KIF24: variants seen among roughly 807,000 people sequenced by gnomAD.
KIF24 encodes the protein kinesin family member 24.
Under a neutral mutation model 118.9 loss-of-function variants are expected in KIF24, and 81 were observed. The ratio of observed to expected loss-of-function variants is 0.68; its 90% CI spans 0.57 to 0.82. KIF24 has a LOEUF of 0.82. Ranked by LOEUF, KIF24 falls within the 40% of genes least tolerant of loss-of-function variation. KIF24 has a pLI of 0.00. For missense variants in KIF24, 1,560 were observed against 1,661.6 expected, an observed-to-expected ratio of 0.94 and a Z score of 1.06; for synonymous variants, 599 against 610.0, an observed-to-expected ratio of 0.98 and a Z score of 0.27.
At chr9:34,296,060 A>G (rs1295393958) in intron 4 of KIF24, among the ~76,000 whole-genome samples, 8 of 148,688 alleles carry the variant, frequency 5.4e-5, no homozygotes, top group Non-Finnish European at 1.0e-4. Context: ...TCTACTAAAA[A>G]TACAAAAAAT....
rs1554666514 is a variant in KIF24 at position 34,311,661 on chromosome 9, C to CAT, written c.-25-292_-25-291dup. Among the ~76,000 whole-genome samples, 9 of 144,006 alleles carry CAT rather than the reference C, an allele frequency of 6.2e-5. No homozygotes were observed. In the East Asian group the frequency reaches 1.4e-3, roughly 22 times the overall value. 94.5% of individuals were successfully genotyped at this position (144,006 alleles called of 152,430 possible). Reference sequence around the variant, plus strand: ...ATATGTGTATATATACGTGTATATACATATATACGTGTATATGTATATATA... The same window carrying CAT: ...ATATGTGTATATATACGTGTATATACATATATATACGTGTATATGTATATATA... On this transcript the variant is annotated intron_variant, in intron 1 of 12. Transcript: ENST00000402558.
upstream of KIF24, among the ~76,000 whole-genome samples, chr9:34,330,691 G>A: frequency 6.6e-6 from 1 of 152,206 alleles, no homozygotes; most frequent in East Asian, 1.9e-4. Context: ...GCCGGGCGCG[G>A]TGGCTCACGC....
In KIF24 at chr9:34,329,228, G is replaced by A. The variant is rs988094086; in HGVS notation, c.-148C>T. Among the ~76,000 whole-genome samples the A allele has an allele frequency of 1.3e-5, 2 of 152,250 alleles. No homozygotes were observed. Among genetic ancestry groups the A allele is most frequent in the African/African-American group, 4.8e-5 (2 of 41,464 alleles). ...CCCGGGAGCCACCGGCGGCGGCCAG[G>A]CCGCATCTCCATGGCAACGCCGCCA... On this transcript the variant is annotated 5_prime_UTR_variant, in exon 1 of 13. Coordinates refer to ENST00000402558, the MANE Select transcript of KIF24 (RefSeq NM_194313.4).
At chr9:34,314,021 G>A (rs988271440) in intron 1 of KIF24, among the ~76,000 whole-genome samples, 9 of 151,732 alleles carry the variant, frequency 5.9e-5, no homozygotes, top group East Asian at 3.9e-4. Context: ...CTCCCAAAGC[G>A]GTGGGATTAC....
At chr9:34,319,620 C>G in intron 1 of KIF24, 1 of 897,934 alleles carries the variant, frequency 1.1e-6, no homozygotes, top group East Asian at 2.5e-5. Context: ...GCACCTGGTC[C>G]GGCCTAAGGT....
In KIF24 at chr9:34,259,503, ACACACACGCGTGCACACATGCT is replaced by A. The variant is rs1303479974; in HGVS notation, c.1625+71_1625+92del. 2.5e-4 allele frequency: 219 copies of A among 888,994 alleles called. 2 individuals carry two copies. The African/African-American group carries it at 3.0e-3, about 12-fold the overall frequency. 55.1% of individuals were successfully genotyped at this position (888,994 alleles called of 1,614,324 possible). On this transcript the variant is annotated intron_variant, in intron 10 of 12. Transcript: ENST00000402558. The stretch of plus-strand genomic sequence containing the variant: ...GAGAGACATGTGCATGCACTTGCAC[ACACACACGCGTGCACACATGCT>A]CACACACGCGTGCTGCACAGACATG...
chr9:34,260,941 C>T (rs987215254), intron 9 of KIF24, among the ~76,000 whole-genome samples: 1 of 152,024 alleles, frequency 6.6e-6, no homozygotes, highest in Non-Finnish European at 1.5e-5. Flanking sequence ...CACTGCACTC[C>T]GGCCTGGGCG....
chr9:34,265,846 A>C (rs1001923140), intron 8 of KIF24, among the ~76,000 whole-genome samples: 1 of 152,094 alleles, frequency 6.6e-6, no homozygotes, highest in Non-Finnish European at 1.5e-5. Flanking sequence ...GTGTAATTTT[A>C]ATTTTATTTA....
Position 34,318,630 on chromosome 9 carries a change from C to T in KIF24, c.-25-7259G>A, listed in dbSNP as rs1837408367. 10 of 1,530,768 alleles carry T rather than the reference C, an allele frequency of 6.5e-6. No homozygotes were observed. Among genetic ancestry groups the T allele is most frequent in the Middle Eastern group, 2.3e-4 (1 of 4,406 alleles). The allele number at this position is 1,530,768 out of a possible 1,614,324, so 94.8% of individuals were successfully genotyped here. ...CTGGTGTCGCCCGTGGTGGTGGCCT[C>T]GTCGTTGGGGCTCGTGTCGCTGGGC... On this transcript the variant is annotated intron_variant, in intron 1 of 12. Coordinates refer to ENST00000402558, the MANE Select transcript of KIF24 (RefSeq NM_194313.4). This position sits in a 1 kb window ranked among gnomAD's most constrained non-coding sequence, Gnocchi z 4.9.
chr9:34,304,418 T>C (rs1053936152), intron 3 of KIF24, among the ~76,000 whole-genome samples: 10 of 152,130 alleles, frequency 6.6e-5, no homozygotes, highest in Non-Finnish European at 1.3e-4. Context: ...AGTAAGGTTA[T>C]TGTGTTTGGG....
In KIF24 at chr9:34,311,232, C is replaced by A. The variant is rs370883420; in HGVS notation, c.115G>T (p.Asp39Tyr). The change falls in exon 2 of 13, where the codon GAC becomes TAC. Residue 39 changes from aspartate to tyrosine, a missense_variant. Asp to Tyr is a radical substitution (Grantham distance 160, BLOSUM62 -3). Transcript: ENST00000402558. ...IDELAKITMK[D>Y]YSKLGVHDMN... is the part of the protein sequence containing the mutation. ...TCATGGACTCCTAATTTGGAGTAGT[C>A]CTTCATTGTAATCTTGGCTAATTCA... is the stretch of plus-strand genomic sequence containing the variant. 10 of 1,612,690 alleles carry A rather than the reference C, an allele frequency of 6.2e-6. No homozygotes were observed. Among genetic ancestry groups the A allele is most frequent in the Middle Eastern group, 1.6e-4 (1 of 6,062 alleles).
intron 11 of KIF24, 98 bp downstream of exon 11, chr9:34,255,637 C>T: frequency 2.8e-6 from 3 of 1,089,144 alleles, no homozygotes; most frequent in Non-Finnish European, 3.9e-6. Context: ...CACCTGCGTA[C>T]CCCTGCATGG....
In KIF24 at chr9:34,318,546, C is replaced by T. The variant is rs887673358; in HGVS notation, c.-25-7175G>A. On this transcript the variant is annotated intron_variant, in intron 1 of 12. Transcript: ENST00000402558. The surrounding 1 kb of genome is among the most constrained non-coding windows in gnomAD (Gnocchi z 4.9). ...GCAGCCACGCTGGCCGAACACAGCG[C>T]CGGCCTGGCCTTCAGCCTGTACCAG... The T allele has an allele frequency of 2.8e-6, 3 of 1,079,468 alleles. No homozygotes were observed. Among genetic ancestry groups the T allele is most frequent in the Non-Finnish European group, 4.2e-6 (3 of 716,504 alleles). The allele number at this position is 1,079,468 out of a possible 1,614,324, so 66.9% of individuals were successfully genotyped here.
chr9:34,269,995 A>G (rs12237192), intron 7 of KIF24, among the ~76,000 whole-genome samples: 105,876 of 149,902 alleles, frequency 0.71, 39,068 homozygotes, highest in East Asian at 0.95. Context: ...AAGCCGAGGC[A>G]GGCAGATCAC....
chr9:34,316,999 G>A (rs1837350065), intron 1 of KIF24, among the ~76,000 whole-genome samples: 1 of 151,946 alleles, frequency 6.6e-6, no homozygotes, highest in South Asian at 2.1e-4. Flanking sequence ...TGGATCATCT[G>A]AGGTCAGGAG....
intron 2 of KIF24, among the ~76,000 whole-genome samples, chr9:34,309,087 TCAAA>T (rs764202512): frequency 5.4e-5 from 5 of 91,826 alleles, no homozygotes; most frequent in South Asian, 6.4e-4. Flanking sequence ...TCTCTACAAA[TCAAA>T]CAAACAAACA....
intron 4 of KIF24, among the ~76,000 whole-genome samples, chr9:34,291,696 C>A (rs1444057656): frequency 1.3e-5 from 2 of 151,920 alleles, no homozygotes; most frequent in Non-Finnish European, 2.9e-5. Flanking sequence ...GATTCACCCA[C>A]ACAGTGCTAA....
chr9:34,269,524 A>C (rs1835422679), intron 7 of KIF24, among the ~76,000 whole-genome samples, 162 bp from the exon 8 acceptor site: 1 of 152,022 alleles, frequency 6.6e-6, no homozygotes, highest in Non-Finnish European at 1.5e-5. Flanking sequence ...GGTTCACGCC[A>C]TTCTCCTGCC....
intron 1 of KIF24, among the ~76,000 whole-genome samples, chr9:34,324,498 G>A (rs1261905732): frequency 2.6e-5 from 4 of 152,142 alleles, no homozygotes; most frequent in Admixed American, 2.6e-4. Context: ...CTGCTCTGGT[G>A]ATTCAGCCCC....
Sources: gnomAD v4.1 joint callset for allele counts (sites outside exome capture counted in the v4.1 genomes callset) on GRCh38, gnomAD v4.1.1 for gene constraint, Gnocchi (gnomAD v3.1) non-coding constraint, MANE v1.5 for transcripts, NCBI Gene and HGNC (gene_info 2026-07-23, HGNC 2026-07-21) for gene names.